The following RPH3A variants were observed in gnomAD, a reference collection of about 807,000 sequenced individuals.
RPH3A encodes rabphilin-3A.
Under a neutral mutation model 102.2 loss-of-function variants are expected in RPH3A, and 48 were observed. The observed-to-expected ratio is 0.47, with a 90% CI of 0.37 to 0.60. RPH3A has a LOEUF of 0.60. Among genes scored for constraint, RPH3A ranks in the 20% least tolerant of loss-of-function variants. RPH3A has a pLI of 0.00. For missense variants in RPH3A, 781 were observed against 910.1 expected, an observed-to-expected ratio of 0.86 and a Z score of 1.83; for synonymous variants, 310 against 324.3, an observed-to-expected ratio of 0.96 and a Z score of 0.47.
chr12:112,722,730 G>C (rs1482901789), intron 1 of RPH3A, among the ~76,000 whole-genome samples: 1 of 152,140 alleles, frequency 6.6e-6, no homozygotes, highest in Non-Finnish European at 1.5e-5. Flanking sequence ...TGGGGCTGCA[G>C]CAGCTATGTT....
intron 5 of RPH3A, among the ~76,000 whole-genome samples, chr12:112,850,218 T>A (rs151328798): frequency 2.2e-3 from 342 of 152,302 alleles, no homozygotes; most frequent in African/African-American, 8.0e-3. Context: ...GGGGATAACA[T>A]TATCACATAC....
intron 1 of RPH3A, among the ~76,000 whole-genome samples, chr12:112,606,926 C>T (rs994172386): frequency 1.3e-5 from 2 of 152,200 alleles, no homozygotes; most frequent in African/African-American, 4.8e-5. Flanking sequence ...GGTGGGGACA[C>T]AGATCCAAAC....
intron 1 of RPH3A, among the ~76,000 whole-genome samples, chr12:112,662,423 C>T (rs2040054843): frequency 6.6e-6 from 1 of 152,146 alleles, no homozygotes; most frequent in Admixed American, 6.5e-5. Context: ...ATTGTTATTT[C>T]CATTTATAGA....
chr12:112,612,687 C>T (rs938227357), intron 1 of RPH3A, among the ~76,000 whole-genome samples: 1 of 151,612 alleles, frequency 6.6e-6, no homozygotes, highest in Non-Finnish European at 1.5e-5. Context: ...GCCCCAGCCT[C>T]CTGAGCAGCT....
At chr12:112,581,493 A>G (rs1283362804) in intron 1 of RPH3A, among the ~76,000 whole-genome samples, 1 of 152,200 alleles carries the variant, frequency 6.6e-6, no homozygotes. Flanking sequence ...CGACAAAATT[A>G]AGATTATTCT....
At chr12:112,646,432 G>A (rs974241796) in intron 1 of RPH3A, among the ~76,000 whole-genome samples, 4 of 152,088 alleles carry the variant, frequency 2.6e-5, no homozygotes, top group Admixed American at 6.6e-5. Flanking sequence ...CTTTTTAAGA[G>A]CAAAAATACC....
At chr12:112,802,414 G>A (rs1230014685) in intron 2 of RPH3A, among the ~76,000 whole-genome samples, 1 of 152,194 alleles carries the variant, frequency 6.6e-6, no homozygotes, top group Non-Finnish European at 1.5e-5. Flanking sequence ...CTGCTTGAGA[G>A]TGAAATAAGA....
chr12:112,593,646 GA>G (rs1451670013), intron 1 of RPH3A, among the ~76,000 whole-genome samples: 4 of 152,206 alleles, frequency 2.6e-5, no homozygotes, highest in Non-Finnish European at 4.4e-5. Context: ...CGTTAGATTG[GA>G]AGGCCACCTT....
At chr12:112,804,821 T>C (rs2136109716) in intron 2 of RPH3A, among the ~76,000 whole-genome samples, 1 of 152,308 alleles carries the variant, frequency 6.6e-6, no homozygotes, top group Non-Finnish European at 1.5e-5. Flanking sequence ...ATGCTATCAT[T>C]GTCATCATTA....
At chr12:112,850,640 A>G (rs553099812) in intron 5 of RPH3A, among the ~76,000 whole-genome samples, 12 of 152,246 alleles carry the variant, frequency 7.9e-5, no homozygotes, top group African/African-American at 2.2e-4. Context: ...GGCAAACCCA[A>G]TGCTATTTGT....
intron 1 of RPH3A, among the ~76,000 whole-genome samples, chr12:112,606,590 A>C (rs1386468895): frequency 6.6e-6 from 1 of 152,154 alleles, no homozygotes; most frequent in Non-Finnish European, 1.5e-5. Context: ...CATGTTGACC[A>C]GGCTGATCTT....
intron 1 of RPH3A, among the ~76,000 whole-genome samples, chr12:112,595,051 G>C (rs1448859149): frequency 6.6e-6 from 1 of 152,166 alleles, no homozygotes; most frequent in Non-Finnish European, 1.5e-5. Context: ...TCTGGGTCTG[G>C]ACAGCCTGGT....
intron 4 of RPH3A, among the ~76,000 whole-genome samples, chr12:112,844,314 A>G (rs953826426): frequency 5.9e-5 from 9 of 152,194 alleles, no homozygotes; most frequent in Non-Finnish European, 8.8e-5. Context: ...GGCCCACAGG[A>G]TGGGATCAGA....
intron 1 of RPH3A, among the ~76,000 whole-genome samples, chr12:112,640,146 C>A (rs997188037): frequency 6.0e-5 from 9 of 151,248 alleles, no homozygotes; most frequent in Admixed American, 2.6e-4. Flanking sequence ...CATGGTGAAA[C>A]CACGTCTCTA....
At chr12:112,586,831 C>T (rs1354161840) in intron 1 of RPH3A, among the ~76,000 whole-genome samples, 2 of 152,204 alleles carry the variant, frequency 1.3e-5, no homozygotes, top group African/African-American at 2.4e-5. Flanking sequence ...ATTTGGACCT[C>T]AGGGTGACTT....
chr12:112,881,825 C>A lies in RPH3A; in HGVS notation c.1305C>A (p.His435Gln). ...NGLADPYVKLHLLPGASKSNK... is the reference protein window; with the variant it reads ...NGLADPYVKLQLLPGASKSNK... ...TGGCTGATCCCTACGTTAAGCTGCA[C>A]CTCCTGCCGGGAGCCAGCAAGGTAC... Residue 435 changes from histidine (H) to glutamine (Q), a missense_variant, in exon 15 of 22, where the codon CAC (histidine) becomes CAA (glutamine). By Grantham distance (24) the His-to-Gln change is conservative (BLOSUM62 0). Transcript: ENST00000389385. 2 of 1,612,244 alleles carry A rather than the reference C, an allele frequency of 1.2e-6. No individual in the cohort carries two copies. Among genetic ancestry groups the A allele is most frequent in the Non-Finnish European group, 8.5e-7 (1 of 1,178,902 alleles).
chr12:112,611,382 A>C (rs1008788092), intron 1 of RPH3A, among the ~76,000 whole-genome samples: 1 of 152,090 alleles, frequency 6.6e-6, no homozygotes, highest in South Asian at 2.1e-4. Context: ...AGGTGCAAGA[A>C]TTTTGCCATG....
In RPH3A at chr12:112,860,437, G is replaced by A. The variant is rs556031938; in HGVS notation, c.231-4977G>A. ...GCTAATGAGACACTCCCTGAATAAC[G>A]TGTGTTCATGAGGCCTTTTGGCGTC... On this transcript the variant is annotated intron_variant, in intron 5 of 21. Transcript: ENST00000389385. Among the ~76,000 whole-genome samples, 95 of 152,278 alleles carry A rather than the reference G, an allele frequency of 6.2e-4. 1 individual carries two copies. Among genetic ancestry groups the A allele is most frequent in the African/African-American group, 2.0e-3 (85 of 41,548 alleles).
At chr12:112,579,650 A>C (rs1346349344) in intron 1 of RPH3A, among the ~76,000 whole-genome samples, 1 of 152,234 alleles carries the variant, frequency 6.6e-6, no homozygotes, top group Non-Finnish European at 1.5e-5. Context: ...TTATAATAAA[A>C]TATTAGTTTC....
Sources: allele counts gnomAD v4.1 joint callset (sites outside exome capture counted in the v4.1 genomes callset), GRCh38; gene constraint gnomAD v4.1.1; transcripts MANE v1.5; gene names NCBI Gene and HGNC (gene_info 2026-07-23, HGNC 2026-07-21).